The following DNER variants were observed in gnomAD, a reference collection of about 807,000 sequenced individuals.
DNER encodes delta and Notch-like epidermal growth factor-related receptor.
Under a neutral mutation model 78.2 loss-of-function variants are expected in DNER, and 33 were observed. The ratio of observed to expected loss-of-function variants is 0.42; its 90% confidence interval spans 0.32 to 0.56. The LOEUF is 0.56. Among genes scored for constraint, DNER ranks in the 20% least tolerant of loss-of-function variants. The probability of loss-of-function intolerance (pLI) is 0.11; values close to 1 mark genes in which losing one functional copy is unlikely to be tolerated. For missense variants in DNER, 918 were observed against 975.3 expected (o/e 0.94, Z 0.78); for synonymous variants, 417 against 384.8 (o/e 1.08, Z -0.98).
intron 1 of DNER, among the ~76,000 whole-genome samples, chr2:229,607,824 A>C (rs1559181097): frequency 2.0e-5 from 3 of 152,028 alleles, no homozygotes. Flanking sequence ...GGAGTTCAAG[A>C]CCAGCCTGGC....
chr2:229,572,757 G>A (rs988381575), intron 4 of DNER, among the ~76,000 whole-genome samples: 2 of 152,090 alleles, frequency 1.3e-5, no homozygotes, highest in Non-Finnish European at 2.9e-5. Flanking sequence ...TTTGCTGCAC[G>A]ACAGGAATGC....
chr2:229,603,222 TAATAG>T (rs909680751), intron 1 of DNER, among the ~76,000 whole-genome samples: 1 of 152,076 alleles, frequency 6.6e-6, no homozygotes, highest in African/African-American at 2.4e-5. Flanking sequence ...TTCAAAAAGA[TAATAG>T]AAGAGAATAT....
chr2:229,606,909 CCAACAA>C (rs977303610), intron 1 of DNER, among the ~76,000 whole-genome samples: 13 of 152,186 alleles, frequency 8.5e-5, no homozygotes, highest in African/African-American at 3.1e-4. Context: ...ACCACCACCA[CCAACAA>C]CAACAACAAC....
rs578037560 is a variant in DNER, at chr2:229,597,047, A to G, written c.277-5159T>C. On this transcript the variant is annotated intron_variant, in intron 1 of 12. Coordinates refer to ENST00000341772, the MANE Select transcript of DNER (RefSeq NM_139072.4). ...CACACGCACACATATACATGTACACACATGCACGCACACACAAATGAACAC... is the reference window on the plus strand; with the variant it reads ...CACACGCACACATATACATGTACACGCATGCACGCACACACAAATGAACAC... Among the ~76,000 whole-genome samples the G allele has an allele frequency of 2.0e-5, 3 of 151,486 alleles. No individual in the cohort carries two copies. The East Asian group carries it at 5.9e-4, about 30-fold the overall frequency.
intron 1 of DNER, among the ~76,000 whole-genome samples, chr2:229,700,892 CAAA>C: frequency 1.5e-5 from 1 of 67,680 alleles, no homozygotes; most frequent in African/African-American, 5.5e-5. Context: ...GACTCCGTCT[CAAA>C]AAAAAAAAAA....
rs377027656 is a variant in DNER, at chr2:229,415,111, G to A, written c.1609+2997C>T. 3.7e-4 allele frequency among the ~76,000 whole-genome samples: 56 copies of A among 151,072 alleles called. 1 individual carries two copies. In the South Asian group the frequency reaches 0.01, roughly 28 times the overall value. ...CAGGAGGTGGAGGTTGGTGTGAGCC[G>A]AGATCACACCATTGCACTCCAGCCT... On this transcript the variant is annotated intron_variant, in intron 9 of 12. Coordinates refer to ENST00000341772, the MANE Select transcript of DNER (RefSeq NM_139072.4).
Position 229,387,525 on chromosome 2 carries a change from A to G in DNER, c.1855+740T>C, listed in dbSNP as rs866352899. 4.2e-3 allele frequency among the ~76,000 whole-genome samples: 560 copies of G among 134,746 alleles called. 1 individual carries two copies. The highest frequency in any genetic ancestry group is 0.011 in the Middle Eastern group (3 of 266). 88.4% of individuals were successfully genotyped at this position (134,746 alleles called of 152,430 possible). A position where few individuals can be genotyped will look rare whatever the true frequency, so the allele number is the denominator to read the frequency against. ...AAAGAAAGAGAGAAAGAAAGAAAGAAAGAAAGAAAGAAAGAAAGAAAGAAA... is the reference window on the plus strand; with the variant it reads ...AAAGAAAGAGAGAAAGAAAGAAAGAGAGAAAGAAAGAAAGAAAGAAAGAAA... On this transcript the variant is annotated intron_variant, in intron 11 of 12. Coordinates refer to ENST00000341772, the MANE Select transcript of DNER (RefSeq NM_139072.4).
intron 5 of DNER, among the ~76,000 whole-genome samples, chr2:229,513,533 A>C (rs1303386794): frequency 6.6e-6 from 1 of 152,210 alleles, no homozygotes. Context: ...AAAAGACCAT[A>C]ACTCAGACAC....
At chr2:229,681,184 G>A (rs1699381775) in intron 1 of DNER, among the ~76,000 whole-genome samples, 1 of 152,138 alleles carries the variant, frequency 6.6e-6, no homozygotes, top group Non-Finnish European at 1.5e-5. Flanking sequence ...AAAATTCCTG[G>A]AAATTTCACA....
intron 8 of DNER, among the ~76,000 whole-genome samples, chr2:229,434,506 A>C (rs1265584644): frequency 6.6e-6 from 1 of 152,216 alleles, no homozygotes; most frequent in Non-Finnish European, 1.5e-5. Flanking sequence ...AAATGTAAAT[A>C]AATCAGAAAT....
intron 8 of DNER, among the ~76,000 whole-genome samples, chr2:229,434,402 T>C (rs1490709394): frequency 6.6e-6 from 1 of 152,212 alleles, no homozygotes. Flanking sequence ...GGGCTACAAA[T>C]GCCCAAGGGC....
chr2:229,404,919 A>G (rs1248852515), intron 10 of DNER, among the ~76,000 whole-genome samples: 1 of 9,100 alleles, frequency 1.1e-4, no homozygotes, highest in African/African-American at 1.2e-4. Flanking sequence ...TCAAGACCTC[A>G]ATATGTAATT....
intron 6 of DNER, among the ~76,000 whole-genome samples, chr2:229,501,936 G>T (rs1213270972): frequency 6.6e-6 from 1 of 152,226 alleles, no homozygotes; most frequent in Non-Finnish European, 1.5e-5. Context: ...CAGTTGCAAA[G>T]TGAATGGACA....
chr2:229,611,739 C>A (rs895296983), intron 1 of DNER, among the ~76,000 whole-genome samples: 1 of 152,192 alleles, frequency 6.6e-6, no homozygotes, highest in African/African-American at 2.4e-5. Context: ...TTTAGGGTCC[C>A]TAAGTGACAG....
chr2:229,468,107 G>T (rs149931206), intron 7 of DNER, among the ~76,000 whole-genome samples: 3,551 of 152,334 alleles, frequency 0.023, 73 homozygotes, highest in Middle Eastern at 0.048. Flanking sequence ...GACAGTGAAA[G>T]AAATCAGACC....
At chr2:229,596,767 T>C (rs947540719) in intron 1 of DNER, among the ~76,000 whole-genome samples, 1 of 152,180 alleles carries the variant, frequency 6.6e-6, no homozygotes, top group Non-Finnish European at 1.5e-5. Context: ...ACAAATAGCA[T>C]GTGGGATGAA....
At chr2:229,534,404 T>A (rs1696367179) in intron 5 of DNER, among the ~76,000 whole-genome samples, 1 of 152,192 alleles carries the variant, frequency 6.6e-6, no homozygotes, top group Non-Finnish European at 1.5e-5. Flanking sequence ...TAGATTGTAA[T>A]GAAACAGACC....
intron 1 of DNER, among the ~76,000 whole-genome samples, chr2:229,660,146 A>G (rs1444113376): frequency 6.6e-6 from 1 of 152,128 alleles, no homozygotes; most frequent in Non-Finnish European, 1.5e-5. Context: ...TTTTAAGTTC[A>G]GGAGGACACG....
At chr2:229,372,100 C>T (rs150510026) in intron 11 of DNER, among the ~76,000 whole-genome samples, 1 of 152,310 alleles carries the variant, frequency 6.6e-6, no homozygotes, top group African/African-American at 2.4e-5. Context: ...GGGATCCATT[C>T]ACTGAGCACA....
Sources: gnomAD v4.1 joint callset for allele counts (sites outside exome capture counted in the v4.1 genomes callset) on GRCh38, gnomAD v4.1.1 for gene constraint, MANE v1.5 for transcripts, NCBI Gene and HGNC (gene_info 2026-07-23, HGNC 2026-07-21) for gene names.